UFD1: variants seen among roughly 807,000 people sequenced by gnomAD.
UFD1 encodes ubiquitin recognition factor in ER associated degradation 1.
A neutral mutation model predicts 45.9 loss-of-function variants in UFD1; 13 were observed. The observed-to-expected ratio is 0.28, with a 90% CI of 0.18 to 0.45. The LOEUF is 0.45. Ranked by LOEUF, UFD1 falls within the 20% of genes least tolerant of loss-of-function variation. UFD1 has a pLI of 1.00. For missense variants in UFD1, 218 were observed against 389.2 expected (o/e 0.56, Z 3.70); for synonymous variants, 128 against 139.2 (o/e 0.92, Z 0.56).
At chr22:19,454,070 G>A (rs2089703287) in intron 11 of UFD1, 4 of 985,612 alleles carry the variant, frequency 4.1e-6, no homozygotes, top group South Asian at 4.7e-5. Flanking sequence ...CAGCTAGAAG[G>A]TGCTGCCTAT....
chr22:19,454,504 C>T, intron 11 of UFD1: 1 of 852,374 alleles, frequency 1.2e-6, no homozygotes, highest in Non-Finnish European at 1.6e-6. Flanking sequence ...TTTTTCTCTG[C>T]CTGCTACCAT....
At chr22:19,465,424 A>G in intron 5 of UFD1, 150 bp from the exon 6 acceptor site, 1 of 623,754 alleles carries the variant, frequency 1.6e-6, no homozygotes, top group African/African-American at 1.8e-5. Context: ...ACTACTTGGC[A>G]ATAAAGAAGG....
chr22:19,453,236 C>A, intron 11 of UFD1: 1 of 985,428 alleles, frequency 1.0e-6, no homozygotes, highest in Non-Finnish European at 1.2e-6. Flanking sequence ...ACAATCTACA[C>A]AGAACTGCTT....
At chr22:19,454,868 A>C (rs751292936) in intron 10 of UFD1, 38 bp from the exon 11 acceptor site, 52 of 1,593,680 alleles carry the variant, frequency 3.3e-5, no homozygotes, top group Non-Finnish European at 3.7e-5. Context: ...TGTTATTTCC[A>C]GGAAAAAAGG....
chr22:19,468,199 G>C (rs1266242306), intron 4 of UFD1, among the ~76,000 whole-genome samples, 196 bp from the exon 5 acceptor site: 1 of 152,186 alleles, frequency 6.6e-6, no homozygotes, highest in Non-Finnish European at 1.5e-5. Flanking sequence ...CCAATAAAGG[G>C]GTGCTACTGA....
rs2089737703 is a variant in UFD1, at chr22:19,458,148, C to A, written c.496-9G>T. 3 of 1,613,720 alleles carry A rather than the reference C, an allele frequency of 1.9e-6. No individual in the cohort carries two copies. The highest frequency in any genetic ancestry group is 1.3e-5 in the African/African-American group (1 of 74,878). The stretch of plus-strand genomic sequence containing the variant: ...ACACGCAGTTCGTAGATCTGTGGGG[C>A]AAACACAGAAATCAGTTGGATGGTT... On this transcript the variant is annotated splice_polypyrimidine_tract_variant and intron_variant, in intron 6 of 11. Transcript: ENST00000263202.
chr22:19,478,085 T>C (rs2089902677), intron 1 of UFD1, among the ~76,000 whole-genome samples: 1 of 152,092 alleles, frequency 6.6e-6, no homozygotes, highest in African/African-American at 2.4e-5. Context: ...ATATAAAAGG[T>C]AAATCCGCAC....
intron 11 of UFD1, chr22:19,451,298 A>G (rs1329046295): frequency 1.0e-6 from 1 of 985,526 alleles, no homozygotes; most frequent in East Asian, 1.1e-4. Context: ...AAAGAATTCC[A>G]TGATGTAGGA....
intron 11 of UFD1, 96 bp from the exon 12 acceptor site, chr22:19,450,840 T>G (rs143029418): frequency 1.3e-6 from 2 of 1,592,278 alleles, no homozygotes; most frequent in African/African-American, 2.7e-5. Context: ...ACATTACTCA[T>G]AAGAAATATC....
chr22:19,475,347 A>G, intron 2 of UFD1, 123 bp downstream of exon 2: 1 of 1,446,420 alleles, frequency 6.9e-7, no homozygotes, highest in Non-Finnish European at 9.4e-7. Flanking sequence ...GATAAATCCC[A>G]GCACCATTTT....
intron 3 of UFD1, among the ~76,000 whole-genome samples, chr22:19,473,921 AC>A (rs1262351615): frequency 6.6e-6 from 1 of 151,992 alleles, no homozygotes; most frequent in Non-Finnish European, 1.5e-5. Context: ...CTCCTGGCCA[AC>A]CCCAGTCTCC....
intron 11 of UFD1, chr22:19,453,605 A>T: frequency 1.0e-6 from 1 of 985,534 alleles, no homozygotes; most frequent in East Asian, 1.1e-4. Context: ...TGCCTGAAGG[A>T]GGAGCTGGAG....
rs189962422 is a variant in UFD1, at chr22:19,475,220, T to C, written c.137-120A>G. 810 of 1,120,398 alleles carry C rather than the reference T, an allele frequency of 7.2e-4. 4 individuals carry two copies. The African/African-American group carries it at 0.012, about 16-fold the overall frequency. 69.4% of individuals were successfully genotyped at this position (1,120,398 alleles called of 1,614,324 possible). A position where few individuals can be genotyped will look rare whatever the true frequency, so the allele number is the denominator to read the frequency against. ...TAAACTGTTTTTAGGGTAGCCAGAA[T>C]GTCCCAGTGATCTTTCATGAAGAAT... On this transcript the variant is annotated intron_variant, in intron 2 of 11. Coordinates refer to ENST00000263202, the MANE Select transcript of UFD1 (RefSeq NM_005659.7).
chr22:19,451,456 A>G, intron 11 of UFD1: 1 of 985,434 alleles, frequency 1.0e-6, no homozygotes, highest in African/African-American at 1.7e-5. Context: ...ACCAGCCCTC[A>G]GAAACATTCC....
chr22:19,470,254 G>A (rs2089834200), intron 4 of UFD1, among the ~76,000 whole-genome samples: 1 of 152,222 alleles, frequency 6.6e-6, no homozygotes, highest in African/African-American at 2.4e-5. Context: ...TGAGGAGGCA[G>A]CATGGGAAGG....
At chr22:19,470,740 C>G in intron 4 of UFD1, 1 of 456,320 alleles carries the variant, frequency 2.2e-6, no homozygotes, top group Non-Finnish European at 4.4e-6. Context: ...CCGTACCTGG[C>G]CAGAATTTCA....
chr22:19,470,435 C>T (rs1198766268), intron 4 of UFD1, among the ~76,000 whole-genome samples: 1 of 146,328 alleles, frequency 6.8e-6, no homozygotes, highest in East Asian at 2.0e-4. Flanking sequence ...AATTTTGATT[C>T]ATATTATTGT....
Position 19,451,987 on chromosome 22 carries a change from C to G in UFD1, c.850-1243G>C, listed in dbSNP as rs2089686527. 3 of 961,482 alleles carry G rather than the reference C, an allele frequency of 3.1e-6. No homozygotes were observed. The African/African-American group carries it at 5.3e-5, about 17-fold the overall frequency. The allele number at this position is 961,482 out of a possible 1,614,324, so 59.6% of individuals were successfully genotyped here. A position where few individuals can be genotyped will look rare whatever the true frequency, so the allele number is the denominator to read the frequency against. On this transcript the variant is annotated intron_variant, in intron 11 of 11. Coordinates refer to ENST00000263202, the MANE Select transcript of UFD1 (RefSeq NM_005659.7). ...ATTCCTTCATTTTAGTGAGGAACAC[C>G]TCCTAGGAGCTTCCTGAGAAAAGAT...
At chr22:19,468,105 G>A (rs1489214090) in intron 4 of UFD1, 102 bp from the exon 5 acceptor site, 1 of 1,473,252 alleles carries the variant, frequency 6.8e-7, no homozygotes, top group Middle Eastern at 1.8e-4. Flanking sequence ...TGGGTCCTTG[G>A]AAGAGGAACC....
Sources: gnomAD v4.1 joint callset for allele counts (sites outside exome capture counted in the v4.1 genomes callset) on GRCh38, gnomAD v4.1.1 for gene constraint, MANE v1.5 for transcripts, NCBI Gene and HGNC (gene_info 2026-07-23, HGNC 2026-07-21) for gene names.